Variants in SH3RF1 observed in about 807,000 individuals in gnomAD.
The protein encoded by SH3RF1 is E3 ubiquitin-protein ligase SH3RF1.
SH3RF1 carries 32 observed loss-of-function variants against 74.0 expected under a neutral mutation model. The observed-to-expected ratio is 0.43, with a 90% CI of 0.33 to 0.58. The LOEUF is 0.58. Ranked by LOEUF, SH3RF1 falls within the 20% of genes least tolerant of loss-of-function variation. The pLI, the probability that SH3RF1 is intolerant of heterozygous loss-of-function variation, is 0.05. For synonymous variants in SH3RF1, 396 were observed against 439.6 expected (o/e 0.90, Z 1.24); for missense variants, 954 against 1,130.9 (o/e 0.84, Z 2.24).
At chr4:169,103,906 C>G (rs1733086166) in intron 11 of SH3RF1, among the ~76,000 whole-genome samples, 1 of 152,194 alleles carries the variant, frequency 6.6e-6, no homozygotes, top group African/African-American at 2.4e-5. Flanking sequence ...AAAAACCTAT[C>G]AAAGAATTCC....
chr4:169,138,477 AC>A (rs1379953751), intron 4 of SH3RF1, among the ~76,000 whole-genome samples: 8 of 152,176 alleles, frequency 5.3e-5, no homozygotes, highest in Admixed American at 2.0e-4. Flanking sequence ...TTATTTAGAC[AC>A]CTAGAAACAA....
intron 10 of SH3RF1, among the ~76,000 whole-genome samples, chr4:169,109,255 G>A (rs1371291204): frequency 6.6e-6 from 1 of 152,222 alleles, no homozygotes; most frequent in Non-Finnish European, 1.5e-5. Context: ...ATCTCAGCAA[G>A]CCACAGCTAA....
At chr4:169,101,488 C>A (rs1029955958) in intron 11 of SH3RF1, among the ~76,000 whole-genome samples, 2 of 151,872 alleles carry the variant, frequency 1.3e-5, no homozygotes, top group Admixed American at 6.6e-5. Context: ...TTAATGAGTA[C>A]AGATTCAGTT....
rs147402241 is a variant in SH3RF1 at position 169,151,464 on chromosome 4, ATT to A, written c.765+4014_765+4015del. The stretch of plus-strand genomic sequence containing the variant: ...TTAGATAATTAGTAGTAGAGTCAAG[ATT>A]GGAATCCTGGCCATCTGGCTCCAGA... On this transcript the variant is annotated intron_variant, in intron 4 of 11. Coordinates refer to ENST00000284637, the MANE Select transcript of SH3RF1 (RefSeq NM_020870.4). Among the ~76,000 whole-genome samples the A allele has an allele frequency of 8.1e-3, 1,241 of 152,334 alleles. 22 individuals carry two copies. Among genetic ancestry groups the A allele is most frequent in the African/African-American group, 0.028 (1,181 of 41,576 alleles).
At chr4:169,263,019 G>A (rs973922469) in intron 2 of SH3RF1, among the ~76,000 whole-genome samples, 2 of 152,118 alleles carry the variant, frequency 1.3e-5, no homozygotes, top group African/African-American at 4.8e-5. Context: ...CACCTTTTCC[G>A]TTTTAATTCA....
intron 6 of SH3RF1, among the ~76,000 whole-genome samples, chr4:169,124,178 TA>T (rs1437751776): frequency 6.6e-6 from 1 of 152,216 alleles, no homozygotes; most frequent in Admixed American, 6.5e-5. Flanking sequence ...TAAATCTTTC[TA>T]AGCTCAATCT....
intron 10 of SH3RF1, among the ~76,000 whole-genome samples, chr4:169,116,053 CAG>C (rs1733325905): frequency 6.6e-6 from 1 of 152,108 alleles, no homozygotes; most frequent in Non-Finnish European, 1.5e-5. Flanking sequence ...CGTTTAAACA[CAG>C]AGAAACATGA....
At chr4:169,267,260 T>C (rs1429968991) in intron 2 of SH3RF1, among the ~76,000 whole-genome samples, 1 of 152,194 alleles carries the variant, frequency 6.6e-6, no homozygotes, top group Non-Finnish European at 1.5e-5. Context: ...TCACAACAGG[T>C]AAGGCAGTGT....
chr4:169,128,903 C>T (rs780398935), intron 6 of SH3RF1, among the ~76,000 whole-genome samples: 1 of 152,124 alleles, frequency 6.6e-6, no homozygotes, highest in African/African-American at 2.4e-5. Flanking sequence ...AGCCCTCAAC[C>T]GAGCCCAAAA....
intron 4 of SH3RF1, among the ~76,000 whole-genome samples, chr4:169,143,412 C>T (rs1372736325): frequency 6.6e-6 from 1 of 152,130 alleles, no homozygotes; most frequent in African/African-American, 2.4e-5. Context: ...GGACGAGTCT[C>T]GCTGCAAGTT....
intron 1 of SH3RF1, 152 bp downstream of exon 1, chr4:169,270,707 C>T (rs1337947297): frequency 6.6e-6 from 1 of 152,248 alleles, no homozygotes; most frequent in Non-Finnish European, 1.5e-5. Context: ...TCCGCAGGTC[C>T]TGATTCCCGG....
chr4:169,108,323 G>T (rs1180617317), intron 10 of SH3RF1, among the ~76,000 whole-genome samples: 2 of 152,138 alleles, frequency 1.3e-5, no homozygotes, highest in East Asian at 1.9e-4. Context: ...TTTTTCTTGG[G>T]AATAATAGCT....
chr4:169,258,714 G>A (rs891310537), intron 2 of SH3RF1, among the ~76,000 whole-genome samples: 1 of 152,124 alleles, frequency 6.6e-6, no homozygotes, highest in Non-Finnish European at 1.5e-5. Flanking sequence ...TCTGGATAAG[G>A]TGGGCAAATG....
At position 169,228,131 on chromosome 4, in the gene SH3RF1, T is replaced by C. The variant is rs1667942272; in HGVS notation, c.393+40689A>G. Among the ~76,000 whole-genome samples the C allele has an allele frequency of 2.0e-5, 3 of 152,226 alleles. No individual in the cohort carries two copies. The South Asian group carries it at 6.2e-4, about 32-fold the overall frequency. ...ATCATTGAATAGAATATATATTAAG[T>C]ACATATTCTAAATGTATACCTTCTG... is the stretch of plus-strand genomic sequence containing the variant. On this transcript the variant is annotated intron_variant, in intron 2 of 11. Coordinates refer to ENST00000284637, the MANE Select transcript of SH3RF1 (RefSeq NM_020870.4).
chr4:169,169,321 G>A lies in SH3RF1; in HGVS notation c.394-12642C>T, dbSNP rs369735991. Among the ~76,000 whole-genome samples the A allele has an allele frequency of 1.4e-4, 21 of 152,266 alleles. No individual in the cohort carries two copies. In the South Asian group the frequency reaches 4.2e-3, roughly 30 times the overall value. ...CATTAAAAAAATAACAAGAGACTGG[G>A]TGCAGCAGCTCACACCTGTAATCCC... is the stretch of plus-strand genomic sequence containing the variant. On this transcript the variant is annotated intron_variant, in intron 2 of 11. Coordinates refer to ENST00000284637, the MANE Select transcript of SH3RF1 (RefSeq NM_020870.4).
rs1260418017 is a variant in SH3RF1 at position 169,096,543 on chromosome 4, T to G, written c.2643A>C (p.Pro881=). Residue 881 remains proline (P), a synonymous_variant, in exon 12 of 12, where the codon CCA becomes CCC. Coordinates refer to ENST00000284637, the MANE Select transcript of SH3RF1 (RefSeq NM_020870.4). ...CTCATATGTTTTCCACAAAGCTTCC[T>G]GGGAAAAGGCCAGTTTTCCCATTAC... ...LQRNGKTGLF[P]GSFVENI is the part of the protein sequence containing the mutation. 6.2e-7 allele frequency: 1 copy of G among 1,613,916 alleles called. No individual in the cohort carries two copies. Among genetic ancestry groups the G allele is most frequent in the Admixed American group, 1.7e-5 (1 of 59,974 alleles).
intron 10 of SH3RF1, among the ~76,000 whole-genome samples, chr4:169,111,073 C>G (rs368065147): frequency 1.3e-5 from 2 of 151,488 alleles, no homozygotes; most frequent in Non-Finnish European, 2.9e-5. Context: ...TTTGGGAGGC[C>G]GAGGCAGGGG....
chr4:169,113,964 T>G (rs767531151), intron 10 of SH3RF1, among the ~76,000 whole-genome samples: 1 of 151,854 alleles, frequency 6.6e-6, no homozygotes, highest in Non-Finnish European at 1.5e-5. Flanking sequence ...AGAACAACGG[T>G]TGGAAGGTTG....
rs367572213 is a variant in SH3RF1, at chr4:169,136,556, C to G, written c.830G>C (p.Gly277Ala). Residue 277 changes from glycine to alanine, a missense_variant, in exon 5 of 12, where the codon GGA (glycine) becomes GCA (alanine). Physicochemically the swap from Gly to Ala is moderately conservative, Grantham distance 60. This residue lies in a region of SH3RF1 where 854 missense variants were observed against 962.5 expected (regional missense o/e 0.89). Coordinates refer to ENST00000284637, the MANE Select transcript of SH3RF1 (RefSeq NM_020870.4). The part of the protein sequence containing the change: ...DKPPVPGVDA[G>A]ECSSAAAQSS... ...CTGGGCTGCTGCCGAGGAACATTCT[C>G]CAGCATCAACTCCTGGCACAGGAGG... is the stretch of plus-strand genomic sequence containing the variant. 3 of 1,601,706 alleles carry G rather than the reference C, an allele frequency of 1.9e-6. No individual in the cohort carries two copies. In the African/African-American group the frequency reaches 4.0e-5, roughly 22 times the overall value.
Sources: allele counts gnomAD v4.1 joint callset (sites outside exome capture counted in the v4.1 genomes callset), GRCh38; gene constraint gnomAD v4.1.1; regional missense constraint gnomAD v4.1.1; transcripts MANE v1.5; gene names NCBI Gene and HGNC (gene_info 2026-07-23, HGNC 2026-07-21).